Variants in DOP1B observed in about 807,000 individuals in gnomAD.
DOP1B encodes the protein DOP1 leucine zipper like protein B.
A neutral mutation model predicts 233.5 loss-of-function variants in DOP1B; 174 were observed. That is an observed-to-expected ratio of 0.75 (90% CI 0.66 to 0.85). DOP1B has a LOEUF of 0.85. Ranked by LOEUF, DOP1B falls within the 40% of genes least tolerant of loss-of-function variation. The pLI is 0.00. For missense variants in DOP1B, 2,652 were observed against 2,846.6 expected (o/e 0.93, Z 1.56); for synonymous variants, 1,190 against 1,185.6 (o/e 1.00, Z -0.08).
rs1457042849 is a variant in DOP1B at position 36,246,624 on chromosome 21, C to G, written c.4644C>G (p.Asn1548Lys). ...VTPFVVQICKNLDDLVKQYES... is the reference protein window; with the variant it reads ...VTPFVVQICKKLDDLVKQYES... ...CCTTTGTTGTCCAGATTTGCAAAAA[C>G]TTGGATGACTTGGTCAAGCAGTATG... Residue 1548 changes from asparagine to lysine, a missense_variant, in exon 19 of 37, where the codon AAC (asparagine) becomes AAG (lysine). Physicochemically the swap from Asn to Lys is moderately conservative, Grantham distance 94. This residue lies in a region of DOP1B where 2,617 missense variants were observed against 2,794.3 expected (regional missense o/e 0.94). Transcript: ENST00000691173. This position sits in a 1 kb window ranked among gnomAD's most constrained non-coding sequence, Gnocchi z 5.1. 2 of 1,614,084 alleles carry G rather than the reference C, an allele frequency of 1.2e-6. No individual in the cohort carries two copies. Among genetic ancestry groups the G allele is most frequent in the Admixed American group, 3.3e-5 (2 of 60,022 alleles).
chr21:36,260,159 G>A (rs200302379), intron 23 of DOP1B, among the ~76,000 whole-genome samples: 830 of 134,040 alleles, frequency 6.2e-3, no homozygotes, highest in Non-Finnish European at 6.8e-3. Context: ...CTTGTAAAAA[G>A]AAAAAAAAAA....
intron 23 of DOP1B, among the ~76,000 whole-genome samples, chr21:36,254,947 C>CCTTTTTT (rs2067075489): frequency 7.8e-6 from 1 of 127,670 alleles, no homozygotes; most frequent in African/African-American, 2.9e-5. Context: ...ATTTGTGTAA[C>CCTTTTTT]TTTTTTTTTT....
chr21:36,211,129 C>T (rs1037572728), intron 5 of DOP1B, among the ~76,000 whole-genome samples: 1 of 152,232 alleles, frequency 6.6e-6, no homozygotes, highest in Non-Finnish European at 1.5e-5. Context: ...GAACTCTGAG[C>T]GTTTGTCTGT....
chr21:36,244,158 G>A (rs539033755), intron 18 of DOP1B, among the ~76,000 whole-genome samples: 1 of 150,188 alleles, frequency 6.7e-6, no homozygotes, highest in African/African-American at 2.5e-5. Context: ...TCCCACGCTG[G>A]GACTATGGGC....
chr21:36,195,754 A>G (rs2066284068), intron 2 of DOP1B, among the ~76,000 whole-genome samples: 1 of 152,260 alleles, frequency 6.6e-6, no homozygotes, highest in Admixed American at 6.5e-5. Context: ...ATGAAAAGAG[A>G]TCTATCAGTC....
chr21:36,186,417 GGT>G lies in DOP1B; in HGVS notation c.139-12642_139-12641del, dbSNP rs138335199. On this transcript the variant is annotated intron_variant, in intron 2 of 36. Transcript: ENST00000691173. ...TGTGTACATGTATGCATGTGTAGAG[GGT>G]GTGTGTGTGTATATGTATGGGAAGT... is the stretch of plus-strand genomic sequence containing the variant. 8.2e-3 allele frequency among the ~76,000 whole-genome samples: 1,247 copies of G among 151,792 alleles called. 24 individuals are homozygous for G. Among genetic ancestry groups the G allele is most frequent in the African/African-American group, 0.028 (1,174 of 41,356 alleles).
In DOP1B at chr21:36,167,929, C is replaced by CTTTTT. The variant is rs1568996068; in HGVS notation, c.138+3062_138+3063insTTTTT. On this transcript the variant is annotated intron_variant, in intron 2 of 36. Coordinates refer to ENST00000691173, the MANE Select transcript of DOP1B (RefSeq NM_001320714.2). ...GGTAAGTCACATTTTCTTTTCTTTT[C>CTTTTT]TTTTCTTTTTCTTTTTTTTTTTTTT... Among the ~76,000 whole-genome samples the CTTTTT allele has an allele frequency of 1.5e-3, 143 of 97,314 alleles. 8 individuals are homozygous for CTTTTT. The highest frequency in any genetic ancestry group is 1.7e-3 in the Non-Finnish European group (86 of 49,172). 63.8% of individuals were successfully genotyped at this position (97,314 alleles called of 152,430 possible).
At chr21:36,225,268 C>T (rs563067875) in intron 11 of DOP1B, among the ~76,000 whole-genome samples, 47 of 151,364 alleles carry the variant, frequency 3.1e-4, no homozygotes, top group Non-Finnish European at 6.6e-4. Context: ...CTTGCTCTGT[C>T]ACCCAGGCTG....
intron 24 of DOP1B, 40 bp from the exon 25 acceptor site, chr21:36,263,506 G>A: frequency 1.9e-6 from 3 of 1,545,476 alleles, no homozygotes; most frequent in Non-Finnish European, 2.7e-6. Context: ...ATTTTGACTT[G>A]TTCGTGGTTG....
intron 27 of DOP1B, among the ~76,000 whole-genome samples, chr21:36,271,310 T>TGCACCCAGG (rs2067286348): frequency 2.0e-5 from 3 of 147,668 alleles, no homozygotes; most frequent in Admixed American, 6.7e-5. Flanking sequence ...CAGGTTGGAG[T>TGCACCCAGG]TCACCCAGGT....
chr21:36,185,900 GT>G (rs1448264876), intron 2 of DOP1B, among the ~76,000 whole-genome samples: 5 of 152,148 alleles, frequency 3.3e-5, no homozygotes, highest in Non-Finnish European at 7.3e-5. Context: ...GTTGCCTTGT[GT>G]TTTAAAAAGT....
At chr21:36,195,327 C>T (rs1221000072) in intron 2 of DOP1B, among the ~76,000 whole-genome samples, 2 of 107,118 alleles carry the variant, frequency 1.9e-5, no homozygotes, top group Non-Finnish European at 3.5e-5. Flanking sequence ...GGTGACAGAA[C>T]AAGACTCTGG....
In DOP1B at chr21:36,212,680, C is replaced by T. The variant is rs146507024; in HGVS notation, c.904+583C>T. On this transcript the variant is annotated intron_variant, in intron 7 of 36. Coordinates refer to ENST00000691173, the MANE Select transcript of DOP1B (RefSeq NM_001320714.2). Reference sequence around the variant, plus strand: ...GGAAATTGCAACTTTAAAGATAACACGTTCATGAATTTTCTAAAGTCCCAT... The same window carrying T: ...GGAAATTGCAACTTTAAAGATAACATGTTCATGAATTTTCTAAAGTCCCAT... Among the ~76,000 whole-genome samples, 181 of 152,278 alleles carry T rather than the reference C, an allele frequency of 1.2e-3. 1 individual carries two copies. Among genetic ancestry groups the T allele is most frequent in the African/African-American group, 4.0e-3 (167 of 41,566 alleles).
intron 27 of DOP1B, among the ~76,000 whole-genome samples, chr21:36,273,189 C>T (rs962159292): frequency 2.0e-5 from 3 of 151,584 alleles, no homozygotes; most frequent in South Asian, 2.1e-4. Context: ...GGCAGATCAC[C>T]TGAGGTCAGG....
chr21:36,268,385 T>C (rs1001259686), intron 26 of DOP1B, among the ~76,000 whole-genome samples: 6 of 152,168 alleles, frequency 3.9e-5, no homozygotes, highest in African/African-American at 1.4e-4. Flanking sequence ...TCAGACCTTA[T>C]GGTTGTCTTC....
chr21:36,184,688 C>G (rs76359736), intron 2 of DOP1B, among the ~76,000 whole-genome samples: 2,903 of 152,332 alleles, frequency 0.019, 84 homozygotes, highest in African/African-American at 0.066. Context: ...CTGCGTTCCC[C>G]TCCTTGGTGC....
At chr21:36,178,804 C>A (rs1017026828) in intron 2 of DOP1B, among the ~76,000 whole-genome samples, 4 of 152,216 alleles carry the variant, frequency 2.6e-5, no homozygotes, top group Non-Finnish European at 5.9e-5. Flanking sequence ...AAATTTCTTT[C>A]CAACTTTATT....
In DOP1B at chr21:36,245,277, G is replaced by T. The variant is rs148776162; in HGVS notation, c.3297G>T (p.Thr1099=). 320 of 1,614,092 alleles carry T rather than the reference G, an allele frequency of 2.0e-4. 2 individuals are homozygous for T. In the East Asian group the frequency reaches 6.3e-3, roughly 32 times the overall value. ...LPYYVELPDR[T]AHGAPDSSEH... ...ACTACGTGGAGCTTCCAGACAGGAC[G>T]GCCCACGGCGCCCCGGACAGCAGCG... Residue 1099 remains threonine (T), a synonymous_variant, in exon 19 of 37, where the codon ACG becomes ACT. Transcript: ENST00000691173. The surrounding 1 kb of genome is among the most constrained non-coding windows in gnomAD (Gnocchi z 5.5).
At chr21:36,260,127 G>A (rs551546768) in intron 23 of DOP1B, among the ~76,000 whole-genome samples, 1 of 137,914 alleles carries the variant, frequency 7.3e-6, no homozygotes, top group East Asian at 2.2e-4. Context: ...GTGTACTCCA[G>A]CCTGGGCAAC....
Sources: allele counts gnomAD v4.1 joint callset (sites outside exome capture counted in the v4.1 genomes callset), GRCh38; gene constraint gnomAD v4.1.1; regional missense constraint gnomAD v4.1.1; non-coding constraint Gnocchi (gnomAD v3.1); transcripts MANE v1.5; gene names NCBI Gene and HGNC (gene_info 2026-07-23, HGNC 2026-07-21).